The following WDR19 variants were observed in gnomAD, a reference collection of about 807,000 sequenced individuals.
WDR19 encodes WD repeat-containing protein 19.
WDR19 carries 121 observed loss-of-function variants against 180.0 expected under a neutral mutation model. The ratio of observed to expected loss-of-function variants is 0.67; its 90% CI spans 0.58 to 0.78. The LOEUF (loss-of-function observed/expected upper bound fraction) is 0.78. Ranked by LOEUF, WDR19 falls within the 30% of genes least tolerant of loss-of-function variation. WDR19 has a pLI of 0.00. For missense variants in WDR19, 1,450 were observed against 1,640.7 expected, an observed-to-expected ratio of 0.88 and a Z score of 2.01; for synonymous variants, 497 against 540.7, an observed-to-expected ratio of 0.92 and a Z score of 1.12.
chr4:39,205,622 C>A lies in WDR19; in HGVS notation c.776C>A (p.Thr259Asn). ...FSCGHFVVISTHTGELGQEIF... is the reference protein window; with the variant it reads ...FSCGHFVVISNHTGELGQEIF... ...TGTGGACATTTTGTGGTCATTTCTA[C>A]TCATACTGGAGAGCTTGGTCAAGAG... Residue 259 changes from threonine to asparagine, a missense_variant, in exon 9 of 37, where the codon ACT becomes AAT. Coordinates refer to ENST00000399820, the MANE Select transcript of WDR19 (RefSeq NM_025132.4). The A allele has an allele frequency of 1.2e-6, 2 of 1,613,388 alleles. No individual in the cohort carries two copies. The highest frequency in any genetic ancestry group is 2.2e-5 in the South Asian group (2 of 90,916).
intron 36 of WDR19, among the ~76,000 whole-genome samples, chr4:39,283,423 A>G (rs1736782223): frequency 1.3e-5 from 2 of 151,880 alleles, no homozygotes. Flanking sequence ...ATCAGGCTGA[A>G]TTTAGGTCTA....
At chr4:39,267,783 TA>T (rs773181745) in intron 29 of WDR19, among the ~76,000 whole-genome samples, 2 of 152,170 alleles carry the variant, frequency 1.3e-5, no homozygotes, top group African/African-American at 2.4e-5. Context: ...TTAAATGCAT[TA>T]GTATTTCTCA....
chr4:39,256,110 C>T, intron 27 of WDR19, 150 bp downstream of exon 27: 1 of 522,862 alleles, frequency 1.9e-6, no homozygotes, highest in Non-Finnish European at 3.4e-6. Context: ...TGAAATATTC[C>T]TCTCCCTCCC....
At chr4:39,217,876 T>C (rs548316339) in intron 13 of WDR19, 107 bp from the exon 14 acceptor site, 2 of 1,410,342 alleles carry the variant, frequency 1.4e-6, no homozygotes, top group African/African-American at 2.9e-5. Context: ...CTCGTAGTCT[T>C]GGGAGCCTGA....
intron 9 of WDR19, among the ~76,000 whole-genome samples, chr4:39,213,404 C>A (rs1247381765): frequency 6.6e-6 from 1 of 152,130 alleles, no homozygotes; most frequent in African/African-American, 2.4e-5. Flanking sequence ...AAGGAACAAC[C>A]TATTGATACA....
intron 1 of WDR19, 132 bp downstream of exon 1, chr4:39,182,695 G>A (rs1372419422): frequency 1.5e-6 from 2 of 1,349,552 alleles, no homozygotes; most frequent in Admixed American, 2.1e-5. Flanking sequence ...GAGAGAGAGA[G>A]GTGGCCAGAG....
chr4:39,245,292 C>T, intron 23 of WDR19, 77 bp from the exon 24 acceptor site: 1 of 1,226,484 alleles, frequency 8.2e-7, no homozygotes, highest in African/African-American at 1.5e-5. Context: ...AATCCTAAAA[C>T]CTAACATTTG....
At chr4:39,185,322 T>C (rs1725398653) in intron 1 of WDR19, among the ~76,000 whole-genome samples, 1 of 152,250 alleles carries the variant, frequency 6.6e-6, no homozygotes, top group South Asian at 2.1e-4. Flanking sequence ...TTTATCATGT[T>C]TAAGATAGCA....
At chr4:39,254,948 T>A (rs1733605507) in intron 26 of WDR19, among the ~76,000 whole-genome samples, 1 of 152,200 alleles carries the variant, frequency 6.6e-6, no homozygotes, top group Non-Finnish European at 1.5e-5. Flanking sequence ...ATGTTAGGAT[T>A]CACAAGAAAA....
At position 39,203,606 on chromosome 4, in the gene WDR19, G is replaced by T. The variant is rs371199995; in HGVS notation, c.523-36G>T. The T allele has an allele frequency of 1.3e-4, 202 of 1,516,782 alleles. 1 individual carries two copies. Among genetic ancestry groups the T allele is most frequent in the Non-Finnish European group, 2.4e-5 (26 of 1,101,798 alleles). 94.0% of individuals were successfully genotyped at this position (1,516,782 alleles called of 1,614,324 possible). A position where few individuals can be genotyped will look rare whatever the true frequency, so the allele number is the denominator to read the frequency against. On this transcript the variant is annotated intron_variant, in intron 6 of 36. Coordinates refer to ENST00000399820, the MANE Select transcript of WDR19 (RefSeq NM_025132.4). ...ATATTCAGAATGAATTTAAATATTG[G>T]GTTTGTTCATAGTGATGATGTTTTT...
intron 5 of WDR19, among the ~76,000 whole-genome samples, chr4:39,196,502 T>C (rs1241036720): frequency 6.6e-6 from 1 of 152,210 alleles, no homozygotes; most frequent in Non-Finnish European, 1.5e-5. Context: ...AACTAATTTG[T>C]CAGAAAATCT....
At position 39,190,571 on chromosome 4, in the gene WDR19, G is replaced by T. The variant is rs1230517708; in HGVS notation, c.290+790G>T. Among the ~76,000 whole-genome samples, 12 of 152,144 alleles carry T rather than the reference G, an allele frequency of 7.9e-5. No homozygotes were observed. The East Asian group carries it at 2.1e-3, about 27-fold the overall frequency. On this transcript the variant is annotated intron_variant, in intron 4 of 36. Coordinates refer to ENST00000399820, the MANE Select transcript of WDR19 (RefSeq NM_025132.4). ...TGGCTTCATGTACCCCTCATGTGGG[G>T]AGGAAGAGATCATATACACGCTATG... is the stretch of plus-strand genomic sequence containing the variant.
intron 9 of WDR19, among the ~76,000 whole-genome samples, chr4:39,208,864 A>G (rs771543834): frequency 6.6e-6 from 1 of 152,202 alleles, no homozygotes; most frequent in Non-Finnish European, 1.5e-5. Context: ...CATCATTTAT[A>G]TAATGGACTT....
rs150239560 is a variant in WDR19 at position 39,256,003 on chromosome 4, A to G, written c.3114+43A>G. The G allele has an allele frequency of 1.9e-5, 25 of 1,320,172 alleles. No individual in the cohort carries two copies. The African/African-American group carries it at 3.0e-4, about 16-fold the overall frequency. 81.8% of individuals were successfully genotyped at this position (1,320,172 alleles called of 1,614,324 possible). On this transcript the variant is annotated intron_variant, in intron 27 of 36. Transcript: ENST00000399820. ...AAATATACACTGACTCCGCAGGAAT[A>G]ATTGTAGGAAATATACGTAAATGCC...
At position 39,204,092 on chromosome 4, in the gene WDR19, GT is replaced by G. The variant is rs931641618; in HGVS notation, c.603+380del. 2.9e-3 allele frequency among the ~76,000 whole-genome samples: 426 copies of G among 145,936 alleles called. 2 individuals are homozygous for G. The highest frequency in any genetic ancestry group is 9.5e-3 in the African/African-American group (377 of 39,768). On this transcript the variant is annotated intron_variant, in intron 7 of 36. Coordinates refer to ENST00000399820, the MANE Select transcript of WDR19 (RefSeq NM_025132.4). ...GTTGTAGGCTTGTTTTTTTTTGTTT[GT>G]TTTTTTTTTGAGACAGAGTTTTGCT...
intron 20 of WDR19, among the ~76,000 whole-genome samples, chr4:39,239,746 G>T (rs1560526381): frequency 1.3e-5 from 2 of 152,098 alleles, no homozygotes; most frequent in Admixed American, 6.6e-5. Context: ...GCATAACCCG[G>T]CTTAATAATT....
intron 14 of WDR19, among the ~76,000 whole-genome samples, chr4:39,220,526 TTC>T (rs1482890059): frequency 1.5e-5 from 2 of 129,994 alleles, no homozygotes; most frequent in African/African-American, 5.0e-5. Flanking sequence ...CTTCTTCTTC[TTC>T]TTTTTTTTTT....
At chr4:39,216,787 C>G (rs1729115411) in intron 12 of WDR19, among the ~76,000 whole-genome samples, 1 of 152,118 alleles carries the variant, frequency 6.6e-6, no homozygotes, top group African/African-American at 2.4e-5. Context: ...AGATAACCCT[C>G]AGGAATAGAA....
chr4:39,203,028 A>C (rs113846287), intron 6 of WDR19, among the ~76,000 whole-genome samples: 1 of 151,998 alleles, frequency 6.6e-6, no homozygotes, highest in African/African-American at 2.4e-5. Flanking sequence ...CAAATGACCT[A>C]ACATACACAT....
Sources: gnomAD v4.1 joint callset for allele counts (sites outside exome capture counted in the v4.1 genomes callset) on GRCh38, gnomAD v4.1.1 for gene constraint, MANE v1.5 for transcripts, NCBI Gene and HGNC (gene_info 2026-07-23, HGNC 2026-07-21) for gene names.